Variants in LARS1 observed in about 807,000 individuals in gnomAD.
LARS1 encodes the protein leucyl-tRNA synthetase 1.
LARS1 carries 100 observed loss-of-function variants against 162.8 expected under a neutral mutation model. That is an observed-to-expected ratio of 0.61 (90% CI 0.52 to 0.73). LARS1 has a LOEUF of 0.73. Among genes scored for constraint, LARS1 ranks in the 30% least tolerant of loss-of-function variants. The probability of loss-of-function intolerance (pLI) is 0.00; values close to 1 mark genes in which losing one functional copy is unlikely to be tolerated. For synonymous variants in LARS1, 457 were observed against 462.8 expected (o/e 0.99, Z 0.16); for missense variants, 1,258 against 1,408.9 (o/e 0.89, Z 1.71).
intron 14 of LARS1, among the ~76,000 whole-genome samples, chr5:146,150,983 A>AC (rs1561817010): frequency 4.0e-5 from 6 of 151,176 alleles, no homozygotes; most frequent in Non-Finnish European, 7.4e-5. Context: ...ACACACACAC[A>AC]AATGTAAATC....
intron 5 of LARS1, 136 bp from the exon 6 acceptor site, chr5:146,164,607 T>A: frequency 1.2e-6 from 1 of 847,292 alleles, no homozygotes; most frequent in Non-Finnish European, 1.9e-6. Context: ...AGGAATTAGT[T>A]GTACTATTAG....
intron 13 of LARS1, among the ~76,000 whole-genome samples, chr5:146,152,677 T>C (rs1362297708): frequency 6.6e-6 from 1 of 152,202 alleles, no homozygotes; most frequent in African/African-American, 2.4e-5. Context: ...TGTAAACAAC[T>C]AGATTCATGG....
At chr5:146,128,595 G>T in intron 27 of LARS1, 77 bp downstream of exon 27, 1 of 870,926 alleles carries the variant, frequency 1.1e-6, no homozygotes, top group East Asian at 2.9e-5. Flanking sequence ...CCCAGACATT[G>T]CCAACATCCT....
intron 10 of LARS1, among the ~76,000 whole-genome samples, chr5:146,154,511 C>CT (rs1209291388): frequency 6.6e-6 from 1 of 152,220 alleles, no homozygotes; most frequent in African/African-American, 2.4e-5. Context: ...AGCGCGGTGG[C>CT]TAACGCCTGT....
At chr5:146,177,116 C>T (rs1754615407) in intron 2 of LARS1, among the ~76,000 whole-genome samples, 1 of 152,164 alleles carries the variant, frequency 6.6e-6, no homozygotes. Flanking sequence ...TAAATACAAT[C>T]TACCTTATGG....
At chr5:146,172,925 T>A in intron 2 of LARS1, 151 bp from the exon 3 acceptor site, 1 of 426,920 alleles carries the variant, frequency 2.3e-6, no homozygotes, top group Non-Finnish European at 4.2e-6. Context: ...TCTACAAATT[T>A]AAAACTCTCT....
At chr5:146,160,151 C>G (rs906443943) in intron 7 of LARS1, among the ~76,000 whole-genome samples, 1 of 151,894 alleles carries the variant, frequency 6.6e-6, no homozygotes, top group Non-Finnish European at 1.5e-5. Flanking sequence ...CCTCCTGCCC[C>G]ATCCTCTCAA....
rs775727048 is a variant in LARS1, at chr5:146,129,103, T to A, written c.2644A>T (p.Asn882Tyr). ...TLLGKPDSIM[N>Y]ASWPVAGPVN... ...GGACCTGCCACAGGCCATGAAGCAT[T>A]CATAATTGAGTCAGGCTTTTAAAAA... Residue 882 changes from asparagine to tyrosine, a missense_variant, in exon 26 of 32, where the codon AAT (asparagine) becomes TAT (tyrosine). Transcript: ENST00000394434. 10 of 1,585,424 alleles carry A rather than the reference T, an allele frequency of 6.3e-6. No homozygotes were observed. The highest frequency in any genetic ancestry group is 7.7e-6 in the Non-Finnish European group (9 of 1,170,326).
Position 146,170,832 on chromosome 5 carries a change from T to C in LARS1, c.294+1078A>G, listed in dbSNP as rs115148344. 6.3e-3 allele frequency among the ~76,000 whole-genome samples: 893 copies of C among 142,634 alleles called. 8 individuals carry two copies. Among genetic ancestry groups the C allele is most frequent in the African/African-American group, 0.022 (840 of 38,514 alleles). The allele number at this position is 142,634 out of a possible 152,430, so 93.6% of individuals were successfully genotyped here. A position where few individuals can be genotyped will look rare whatever the true frequency, so the allele number is the denominator to read the frequency against. ...CAACATGGTGAAACCCCATCTGTAC[T>C]AAAAGTACAACACTGCACTCCAGCC... On this transcript the variant is annotated intron_variant, in intron 4 of 31. Coordinates refer to ENST00000394434, the MANE Select transcript of LARS1 (RefSeq NM_020117.11).
chr5:146,155,577 C>G (rs1018229790), intron 10 of LARS1, among the ~76,000 whole-genome samples: 30 of 152,224 alleles, frequency 2.0e-4, no homozygotes, highest in African/African-American at 7.0e-4. Flanking sequence ...GCTTCTTGCT[C>G]TAGCTAAGGA....
chr5:146,149,483 AG>A, intron 15 of LARS1, 138 bp downstream of exon 15: 1 of 678,508 alleles, frequency 1.5e-6, no homozygotes. Flanking sequence ...ATTGCTAAAT[AG>A]GTCTATTTTC....
intron 1 of LARS1, among the ~76,000 whole-genome samples, chr5:146,180,540 A>G (rs1473488315): frequency 6.6e-6 from 1 of 152,128 alleles, no homozygotes; most frequent in Non-Finnish European, 1.5e-5. Context: ...AAAAAATATG[A>G]TCATGTCACC....
chr5:146,164,199 CA>C, intron 6 of LARS1, 110 bp downstream of exon 6: 2 of 1,121,292 alleles, frequency 1.8e-6, no homozygotes, highest in South Asian at 2.9e-5. Flanking sequence ...AGGGTTGCCA[CA>C]AATCTTCAAT....
intron 25 of LARS1, 66 bp from the exon 26 acceptor site, chr5:146,129,184 T>A: frequency 7.4e-7 from 1 of 1,350,804 alleles, no homozygotes; most frequent in Non-Finnish European, 1.0e-6. Flanking sequence ...TTTACGGTTC[T>A]TGATTATAGT....
chr5:146,179,164 GGTGGTTGCA>G (rs1435725348), intron 1 of LARS1, among the ~76,000 whole-genome samples: 1 of 152,078 alleles, frequency 6.6e-6, no homozygotes, highest in Non-Finnish European at 1.5e-5. Flanking sequence ...CCCAAGAGGC[GGTGGTTGCA>G]GTGAGCCAAG....
Position 146,144,471 on chromosome 5 carries a change from C to G in LARS1, c.1655+1G>C. ...TCCTTCATCACTTTCTCCCATCTTA[C>G]GTTTCCAGGTTCTTCAAGCACTGAG... On this transcript the variant is annotated splice_donor_variant, in intron 17 of 31. Transcript: ENST00000394434. LOFTEE classifies it high-confidence loss of function. 5 of 1,612,576 alleles carry G rather than the reference C, an allele frequency of 3.1e-6. No homozygotes were observed. The highest frequency in any genetic ancestry group is 4.2e-6 in the Non-Finnish European group (5 of 1,179,484).
chr5:146,168,113 C>A lies in LARS1; in HGVS notation c.432+15G>T. On this transcript the variant is annotated intron_variant, in intron 5 of 31. Coordinates refer to ENST00000394434, the MANE Select transcript of LARS1 (RefSeq NM_020117.11). ...ATAAAACTTCAACCAACATAAATAT[C>A]AACCACTATCAAACCTTTTTTCCTT... is the stretch of plus-strand genomic sequence containing the variant. The A allele has an allele frequency of 6.3e-7, 1 of 1,580,760 alleles. No homozygotes were observed. The highest frequency in any genetic ancestry group is 1.8e-5 in the Admixed American group (1 of 56,232).
chr5:146,124,221 C>T (rs1453373068), intron 28 of LARS1, 135 bp from the exon 29 acceptor site: 3 of 574,796 alleles, frequency 5.2e-6, no homozygotes, highest in Non-Finnish European at 9.3e-6. Context: ...AGGCCTTGGA[C>T]TCATGATTTC....
chr5:146,158,306 A>C (rs996139876), intron 8 of LARS1, among the ~76,000 whole-genome samples: 9 of 152,222 alleles, frequency 5.9e-5, no homozygotes, highest in African/African-American at 2.2e-4. Context: ...GAAATCTAGG[A>C]TATTGCTGCC....
Sources: gnomAD v4.1 joint callset for allele counts (sites outside exome capture counted in the v4.1 genomes callset) on GRCh38, gnomAD v4.1.1 for gene constraint, MANE v1.5 for transcripts, NCBI Gene and HGNC (gene_info 2026-07-23, HGNC 2026-07-21) for gene names.